The following RBFOX1 variants were observed in gnomAD, a reference collection of about 807,000 sequenced individuals.
The protein encoded by RBFOX1 is RNA binding fox-1 homolog 1, also known as RNA binding protein fox-1 homolog 1.
A neutral mutation model predicts 57.7 loss-of-function variants in RBFOX1; 8 were observed. The observed-to-expected ratio is 0.14, with a 90% CI of 0.08 to 0.25. RBFOX1 has a LOEUF of 0.25. Ranked by LOEUF, RBFOX1 falls within the 10% of genes least tolerant of loss-of-function variation. The pLI, the probability that RBFOX1 is intolerant of heterozygous loss-of-function variation, is 1.00. For synonymous variants in RBFOX1, 326 were observed against 222.4 expected (o/e 1.47, Z -4.15); for missense variants, 611 against 548.5 (o/e 1.11, Z -1.14).
intron 5 of RBFOX1, among the ~76,000 whole-genome samples, chr16:7,544,659 CT>C (rs1162588523): frequency 6.6e-6 from 1 of 152,096 alleles, no homozygotes; most frequent in Admixed American, 6.5e-5. Flanking sequence ...TAGGCAACAC[CT>C]TGATTTTGAA....
chr16:6,444,565 A>T (rs1457325194), intron 2 of RBFOX1, among the ~76,000 whole-genome samples: 1 of 152,088 alleles, frequency 6.6e-6, no homozygotes, highest in Non-Finnish European at 1.5e-5. Context: ...GACGTGACTT[A>T]TTCCTCTTTG....
intron 3 of RBFOX1, among the ~76,000 whole-genome samples, chr16:6,919,876 A>C (rs566327889): frequency 6.7e-6 from 1 of 149,058 alleles, no homozygotes; most frequent in Non-Finnish European, 1.5e-5. Context: ...ATTTTGGTGC[A>C]CCCATCACCT....
chr16:7,486,248 G>C (rs2065357769), intron 4 of RBFOX1, among the ~76,000 whole-genome samples: 1 of 149,002 alleles, frequency 6.7e-6, no homozygotes, highest in African/African-American at 2.5e-5. Context: ...TCAGCCTCCT[G>C]AGTAGCTGGC....
intron 2 of RBFOX1, among the ~76,000 whole-genome samples, chr16:6,564,115 G>C (rs1445698368): frequency 1.3e-5 from 2 of 151,986 alleles, no homozygotes; most frequent in African/African-American, 2.4e-5. Context: ...CTACACTGTG[G>C]ATTGTTCTAG....
chr16:6,765,360 T>A (rs1035587080), intron 3 of RBFOX1, among the ~76,000 whole-genome samples: 1 of 152,160 alleles, frequency 6.6e-6, no homozygotes, highest in Non-Finnish European at 1.5e-5. Flanking sequence ...ATACGGCTTG[T>A]TGGAAAGTCC....
At chr16:7,094,415 G>A (rs1304195990) in intron 4 of RBFOX1, among the ~76,000 whole-genome samples, 1 of 152,112 alleles carries the variant, frequency 6.6e-6, no homozygotes, top group Non-Finnish European at 1.5e-5. Flanking sequence ...ACATGGGAAG[G>A]AAAGGTAGGA....
At chr16:7,084,599 G>T (rs1298409754) in intron 4 of RBFOX1, among the ~76,000 whole-genome samples, 1 of 152,144 alleles carries the variant, frequency 6.6e-6, no homozygotes, top group East Asian at 1.9e-4. Flanking sequence ...TATGTGAGAG[G>T]TATAAAGGAT....
intron 2 of RBFOX1, among the ~76,000 whole-genome samples, chr16:6,614,719 G>A (rs12918030): frequency 0.2 from 30,357 of 152,022 alleles, 3,334 homozygotes; most frequent in Middle Eastern, 0.25. Flanking sequence ...TATCACTCCA[G>A]TCTCTGGCTT....
chr16:6,099,127 A>T (rs931382049), intron 1 of RBFOX1, among the ~76,000 whole-genome samples: 2 of 152,122 alleles, frequency 1.3e-5, no homozygotes, highest in African/African-American at 4.8e-5. Context: ...AATAGGTCGA[A>T]CCCGATTTGC....
chr16:6,087,191 G>T (rs568910766), intron 1 of RBFOX1, among the ~76,000 whole-genome samples: 2 of 152,176 alleles, frequency 1.3e-5, no homozygotes, highest in Non-Finnish European at 1.5e-5. Context: ...ACGTTAGAAC[G>T]CCTGCCAGGT....
At chr16:6,437,365 C>T (rs2094264470) in intron 2 of RBFOX1, among the ~76,000 whole-genome samples, 1 of 152,152 alleles carries the variant, frequency 6.6e-6, no homozygotes. Flanking sequence ...CTGTTTAACT[C>T]CTTTTGTTTG....
intron 1 of RBFOX1, among the ~76,000 whole-genome samples, chr16:6,023,693 G>A (rs558294516): frequency 6.2e-4 from 95 of 152,324 alleles, no homozygotes; most frequent in African/African-American, 2.2e-3. Flanking sequence ...CACCCAGCAT[G>A]GGAGTTACAC....
intron 3 of RBFOX1, among the ~76,000 whole-genome samples, chr16:6,677,043 T>C (rs1216859506): frequency 2.6e-5 from 4 of 152,226 alleles, no homozygotes; most frequent in Non-Finnish European, 5.9e-5. Context: ...AAGGCACTTT[T>C]AAGTACTAAA....
intron 4 of RBFOX1, among the ~76,000 whole-genome samples, chr16:5,936,895 G>T (rs932395377): frequency 1.3e-5 from 2 of 152,184 alleles, no homozygotes; most frequent in Non-Finnish European, 2.9e-5. Context: ...GGGACTGGGG[G>T]TGTTGACCAG....
intron 9 of RBFOX1, among the ~76,000 whole-genome samples, chr16:7,602,101 C>G (rs1052196104): frequency 6.6e-6 from 1 of 152,200 alleles, no homozygotes; most frequent in Non-Finnish European, 1.5e-5. Context: ...TGTAACCCAG[C>G]AAAGCCTTAA....
chr16:7,067,417 G>C (rs151248469), intron 4 of RBFOX1, among the ~76,000 whole-genome samples: 1 of 149,362 alleles, frequency 6.7e-6, no homozygotes, highest in African/African-American at 2.5e-5. Context: ...CCAAGGCTGT[G>C]TTTCTTTTGG....
At chr16:6,572,462 A>T (rs2097357784) in intron 2 of RBFOX1, among the ~76,000 whole-genome samples, 1 of 152,238 alleles carries the variant, frequency 6.6e-6, no homozygotes, top group African/African-American at 2.4e-5. Context: ...AAGAGACACT[A>T]AGCGTGCATG....
intron 4 of RBFOX1, among the ~76,000 whole-genome samples, chr16:7,483,485 CAGTT>C (rs1567424749): frequency 1.3e-5 from 2 of 152,054 alleles, no homozygotes; most frequent in Non-Finnish European, 2.9e-5. Flanking sequence ...ACCTAAAAAG[CAGTT>C]AGTGTGTGGT....
chr16:6,745,344 G>GA (rs1350430336), intron 3 of RBFOX1, among the ~76,000 whole-genome samples: 1 of 151,668 alleles, frequency 6.6e-6, no homozygotes, highest in African/African-American at 2.4e-5. Flanking sequence ...AAATTCACAA[G>GA]AAAAAACCCC....
Sources: gnomAD v4.1 joint callset for allele counts (sites outside exome capture counted in the v4.1 genomes callset) on GRCh38, gnomAD v4.1.1 for gene constraint, MANE v1.5 for transcripts, NCBI Gene and HGNC (gene_info 2026-07-23, HGNC 2026-07-21) for gene names.